The following STARD13 variants were observed in gnomAD, a reference collection of about 807,000 sequenced individuals.
The protein encoded by STARD13 is StAR related lipid transfer domain containing 13.
Under a neutral mutation model 106.4 loss-of-function variants are expected in STARD13, and 62 were observed. That is an observed-to-expected ratio of 0.58 (90% CI 0.48 to 0.72). STARD13 has a LOEUF of 0.72. STARD13 is among the 30% of genes least tolerant of loss of function. The pLI is 0.00. For synonymous variants in STARD13, 565 were observed against 553.0 expected, an observed-to-expected ratio of 1.02 and a Z score of -0.31; for missense variants, 1,387 against 1,424.0, an observed-to-expected ratio of 0.97 and a Z score of 0.42.
chr13:33,187,828 C>G (rs2019868), intron 1 of STARD13, among the ~76,000 whole-genome samples: 77,251 of 151,684 alleles, frequency 0.51, 20,003 homozygotes, highest in East Asian at 0.61. Flanking sequence ...GATTACAGAC[C>G]TGTGCCACCA....
At chr13:33,564,470 A>G in the STARD13 span, among the ~76,000 whole-genome samples, 1 of 146,200 alleles carries the variant, frequency 6.8e-6, no homozygotes, top group Non-Finnish European at 1.5e-5. Flanking sequence ...TCACTATGAA[A>G]GGACTATGGA....
chr13:33,149,547 A>G (rs532333118), intron 3 of STARD13, among the ~76,000 whole-genome samples: 1 of 152,332 alleles, frequency 6.6e-6, no homozygotes, highest in East Asian at 1.9e-4. Context: ...CATCTTAGAC[A>G]TTTTAGGTAG....
chr13:33,232,110 C>T (rs1444000543), intron 1 of STARD13, among the ~76,000 whole-genome samples: 1 of 152,112 alleles, frequency 6.6e-6, no homozygotes, highest in African/African-American at 2.4e-5. Context: ...GTCAGGAGTT[C>T]GAGGCCAGCC....
intron 3 of STARD13, among the ~76,000 whole-genome samples, chr13:33,156,892 G>A (rs909068122): frequency 6.6e-6 from 1 of 152,136 alleles, no homozygotes; most frequent in Admixed American, 6.5e-5. Flanking sequence ...AGTGACTGTG[G>A]TGATCATGTA....
At chr13:33,207,320 C>A (rs1887473865) in intron 1 of STARD13, among the ~76,000 whole-genome samples, 1 of 152,136 alleles carries the variant, frequency 6.6e-6, no homozygotes, top group African/African-American at 2.4e-5. Flanking sequence ...TCAATAGAAC[C>A]CTAGAACTGG....
chr13:33,580,603 T>TA, the STARD13 span, among the ~76,000 whole-genome samples: 1 of 152,092 alleles, frequency 6.6e-6, no homozygotes, highest in Non-Finnish European at 1.5e-5. Context: ...ACCACACGAA[T>TA]AAAATATGTT....
At chr13:33,186,496 CA>C (rs1164828984) in intron 1 of STARD13, among the ~76,000 whole-genome samples, 1 of 152,212 alleles carries the variant, frequency 6.6e-6, no homozygotes, top group Non-Finnish European at 1.5e-5. Context: ...AAACATTCCA[CA>C]GTTGACTAAA....
chr13:33,231,445 A>G (rs567265019), intron 1 of STARD13, among the ~76,000 whole-genome samples: 44 of 152,224 alleles, frequency 2.9e-4, no homozygotes, highest in Admixed American at 2.6e-3. Context: ...AACACACATG[A>G]GGGCTTACTC....
At chr13:33,657,500 G>C in the STARD13 span, 219 of 152,252 alleles carry the variant, frequency 1.4e-3, 1 homozygote, top group African/African-American at 5.1e-3. Context: ...GACTTAGTCT[G>C]GTCTCTGAAA....
intron 4 of STARD13, among the ~76,000 whole-genome samples, chr13:33,135,522 C>T (rs1377187603): frequency 6.6e-6 from 1 of 152,136 alleles, no homozygotes; most frequent in Non-Finnish European, 1.5e-5. Flanking sequence ...CACTGTTTCA[C>T]AGGTAATTTA....
At chr13:33,571,708 C>A in the STARD13 span, among the ~76,000 whole-genome samples, 6 of 152,166 alleles carry the variant, frequency 3.9e-5, no homozygotes, top group African/African-American at 1.4e-4. Context: ...GGTGAGTGTG[C>A]TATGCAGGGT....
chr13:33,504,104 A>T, the STARD13 span, among the ~76,000 whole-genome samples: 1 of 152,176 alleles, frequency 6.6e-6, no homozygotes, highest in Admixed American at 6.6e-5. Context: ...GTCTGGAAAC[A>T]ATGGGTGCTG....
the STARD13 span, among the ~76,000 whole-genome samples, chr13:33,619,941 C>T: frequency 1.3e-5 from 2 of 151,898 alleles, no homozygotes; most frequent in Admixed American, 1.3e-4. Flanking sequence ...GTGCACAGCT[C>T]ACCTACCCAA....
At chr13:33,107,201 T>C (rs1455569384) in intron 12 of STARD13, among the ~76,000 whole-genome samples, 1 of 152,218 alleles carries the variant, frequency 6.6e-6, no homozygotes, top group Non-Finnish European at 1.5e-5. Flanking sequence ...CAGCTCTGCT[T>C]AGCTGCAGAG....
chr13:33,627,340 A>C, the STARD13 span, among the ~76,000 whole-genome samples: 1 of 152,186 alleles, frequency 6.6e-6, no homozygotes, highest in Non-Finnish European at 1.5e-5. Flanking sequence ...ATGCTATAAC[A>C]TATGTATTAT....
At chr13:33,400,386 A>G in the STARD13 span, among the ~76,000 whole-genome samples, 1 of 151,968 alleles carries the variant, frequency 6.6e-6, no homozygotes, top group African/African-American at 2.4e-5. Context: ...TTTGATGGAC[A>G]CTTAGGTTGT....
the STARD13 span, among the ~76,000 whole-genome samples, chr13:33,608,968 C>A: frequency 2.6e-5 from 4 of 151,326 alleles, no homozygotes; most frequent in Non-Finnish European, 5.9e-5. Flanking sequence ...CGCCTGTAGT[C>A]CCAGCTACTC....
chr13:33,478,977 T>G, the STARD13 span, among the ~76,000 whole-genome samples: 2 of 152,154 alleles, frequency 1.3e-5, no homozygotes, highest in Non-Finnish European at 2.9e-5. Context: ...ATTTGTTAAA[T>G]ATATCCCATT....
rs113725704 is a variant in STARD13, at chr13:33,214,472, T to C, written c.170-46850A>G. On this transcript the variant is annotated intron_variant, in intron 1 of 13. Coordinates refer to ENST00000336934, the MANE Select transcript of STARD13 (RefSeq NM_178006.4). ...AAGTTGTTAATCACACTTATCAACATAGGCAAGCAGCACTGGCCACAAAAG... is the reference window on the plus strand; with the variant it reads ...AAGTTGTTAATCACACTTATCAACACAGGCAAGCAGCACTGGCCACAAAAG... 6.4e-3 allele frequency among the ~76,000 whole-genome samples: 980 copies of C among 152,238 alleles called. 12 individuals carry two copies. The highest frequency in any genetic ancestry group is 0.022 in the African/African-American group (929 of 41,518).
Sources: allele counts gnomAD v4.1 joint callset (sites outside exome capture counted in the v4.1 genomes callset), GRCh38; gene constraint gnomAD v4.1.1; transcripts MANE v1.5; gene names NCBI Gene and HGNC (gene_info 2026-07-23, HGNC 2026-07-21).